The following PEBP4 variants were observed in gnomAD, a reference collection of about 807,000 sequenced individuals.
The protein encoded by PEBP4 is phosphatidylethanolamine-binding protein 4.
A neutral mutation model predicts 23.9 loss-of-function variants in PEBP4; 22 were observed. The observed-to-expected ratio is 0.92, with a 90% CI of 0.66 to 1.31. The LOEUF is 1.31. PEBP4 is among the 40% of genes most tolerant of loss of function. PEBP4 has a pLI of 0.00. For synonymous variants in PEBP4, 112 were observed against 99.3 expected (o/e 1.13, Z -0.76); for missense variants, 324 against 281.7 (o/e 1.15, Z -1.07).
intron 3 of PEBP4, among the ~76,000 whole-genome samples, chr8:22,856,047 CAAAA>C (rs34409506): frequency 6.5e-5 from 6 of 91,654 alleles, no homozygotes; most frequent in African/African-American, 2.3e-4. Flanking sequence ...GACCCTGTCT[CAAAA>C]AAAAAAAAAA....
chr8:22,936,257 A>T (rs1387071324), intron 1 of PEBP4, among the ~76,000 whole-genome samples: 1 of 151,760 alleles, frequency 6.6e-6, no homozygotes, highest in East Asian at 1.9e-4. Flanking sequence ...TATAAAAATA[A>T]AAATATAAAT....
At chr8:22,810,369 C>T (rs1045522526) in intron 4 of PEBP4, among the ~76,000 whole-genome samples, 1 of 152,110 alleles carries the variant, frequency 6.6e-6, no homozygotes, top group Non-Finnish European at 1.5e-5. Flanking sequence ...CTTTCTAAGA[C>T]CGAGGAAGGA....
intron 4 of PEBP4, among the ~76,000 whole-genome samples, chr8:22,805,339 G>A (rs1297625946): frequency 6.6e-6 from 1 of 152,152 alleles, no homozygotes; most frequent in Non-Finnish European, 1.5e-5. Flanking sequence ...GTTTTGTTTT[G>A]TTTTGAGACC....
chr8:22,792,152 C>T (rs563355515), intron 4 of PEBP4, among the ~76,000 whole-genome samples: 2 of 152,198 alleles, frequency 1.3e-5, no homozygotes, highest in South Asian at 4.2e-4. Flanking sequence ...AGCCACAGCA[C>T]CCAACTTGGA....
At chr8:22,743,580 G>T (rs1321073348) in intron 4 of PEBP4, among the ~76,000 whole-genome samples, 2 of 152,184 alleles carry the variant, frequency 1.3e-5, no homozygotes, top group East Asian at 3.8e-4. Context: ...CCCCTCCGGA[G>T]CTGCCTTTTC....
intron 3 of PEBP4, among the ~76,000 whole-genome samples, chr8:22,823,794 A>T (rs1280339184): frequency 6.6e-6 from 1 of 152,238 alleles, no homozygotes; most frequent in South Asian, 2.1e-4. Context: ...TTAAATCCAT[A>T]AAAAAAGACT....
At chr8:22,826,041 G>A (rs1318479877) in intron 3 of PEBP4, among the ~76,000 whole-genome samples, 1 of 152,122 alleles carries the variant, frequency 6.6e-6, no homozygotes, top group African/African-American at 2.4e-5. Flanking sequence ...GGGTGGTGGG[G>A]GGACATGGGG....
At chr8:22,875,871 G>A (rs1454077406) in intron 3 of PEBP4, among the ~76,000 whole-genome samples, 3 of 151,934 alleles carry the variant, frequency 2.0e-5, no homozygotes, top group Non-Finnish European at 2.9e-5. Flanking sequence ...GCTCTTTCTA[G>A]ATTTAGAATT....
intron 3 of PEBP4, chr8:22,887,987 CAAT>C (rs1163113095): frequency 5.9e-5 from 9 of 152,062 alleles, no homozygotes; most frequent in Non-Finnish European, 8.8e-5. Context: ...ATAACAACAA[CAAT>C]GACAATAAAA....
chr8:22,878,743 A>G (rs539432089), intron 3 of PEBP4, among the ~76,000 whole-genome samples: 1 of 152,186 alleles, frequency 6.6e-6, no homozygotes, highest in Non-Finnish European at 1.5e-5. Flanking sequence ...CTTGGAGCTC[A>G]GGGAACAGAG....
chr8:22,736,943 G>A (rs1804874182), intron 4 of PEBP4, among the ~76,000 whole-genome samples: 2 of 152,134 alleles, frequency 1.3e-5, no homozygotes, highest in Non-Finnish European at 2.9e-5. Flanking sequence ...TACCATTGTA[G>A]TTGTCATTGT....
chr8:22,809,748 C>T (rs971774040), intron 4 of PEBP4, among the ~76,000 whole-genome samples: 11 of 152,214 alleles, frequency 7.2e-5, no homozygotes, highest in Non-Finnish European at 1.3e-4. Flanking sequence ...TCCCTCTCTC[C>T]TTTTCTTCCT....
intron 3 of PEBP4, among the ~76,000 whole-genome samples, chr8:22,827,217 TA>T (rs1488251813): frequency 6.6e-6 from 1 of 152,190 alleles, no homozygotes; most frequent in Non-Finnish European, 1.5e-5. Context: ...GATAAAGTTT[TA>T]AAAAACAGCT....
At chr8:22,903,230 C>G (rs1190843033) in intron 3 of PEBP4, among the ~76,000 whole-genome samples, 4 of 152,132 alleles carry the variant, frequency 2.6e-5, no homozygotes, top group Non-Finnish European at 4.4e-5. Flanking sequence ...AGACAGCTGG[C>G]GTTGAAATCC....
chr8:22,724,785 C>G, intron 6 of PEBP4, 58 bp downstream of exon 6: 1 of 1,339,956 alleles, frequency 7.5e-7, no homozygotes, highest in Admixed American at 1.7e-5. Context: ...ATGCCTGAAG[C>G]GTTTGTTCCA....
rs1371875146 is a variant in PEBP4, at chr8:22,789,845, C to G, written c.357+27792G>C. ...ACCCTCCAATGCAAAGACAGCACTT[C>G]ATTTTTACCGAGTTCAACATCTTCG... On this transcript the variant is annotated intron_variant, in intron 4 of 6. Transcript: ENST00000256404. 3.3e-5 allele frequency among the ~76,000 whole-genome samples: 5 copies of G among 152,264 alleles called. No homozygotes were observed. In the East Asian group the frequency reaches 7.7e-4, roughly 23 times the overall value.
At chr8:22,840,895 A>T (rs983756828) in intron 3 of PEBP4, among the ~76,000 whole-genome samples, 2 of 152,208 alleles carry the variant, frequency 1.3e-5, no homozygotes, top group Non-Finnish European at 1.5e-5. Context: ...CAGGAAATAT[A>T]TAACTAATGG....
chr8:22,800,611 G>A (rs1178304248), intron 4 of PEBP4, among the ~76,000 whole-genome samples: 1 of 152,022 alleles, frequency 6.6e-6, no homozygotes, highest in Non-Finnish European at 1.5e-5. Flanking sequence ...TCTCTCCCTG[G>A]GCAAACCGCA....
chr8:22,747,752 G>A (rs894923242), intron 4 of PEBP4, among the ~76,000 whole-genome samples: 5 of 152,218 alleles, frequency 3.3e-5, no homozygotes, highest in African/African-American at 4.8e-5. Flanking sequence ...CCTGGCCGGC[G>A]TTTGCCCGCT....
Sources: gnomAD v4.1 joint callset for allele counts (sites outside exome capture counted in the v4.1 genomes callset) on GRCh38, gnomAD v4.1.1 for gene constraint, MANE v1.5 for transcripts, NCBI Gene and HGNC (gene_info 2026-07-23, HGNC 2026-07-21) for gene names.